Variants in RASEF observed in about 807,000 individuals in gnomAD.
RASEF encodes the protein RAS and EF-hand domain containing, also known as ras and EF-hand domain-containing protein.
A neutral mutation model predicts 90.1 loss-of-function variants in RASEF; 68 were observed. The observed-to-expected ratio is 0.75, with a 90% CI of 0.62 to 0.92. RASEF has a LOEUF of 0.92. Ranked by LOEUF, RASEF falls within the 40% of genes least tolerant of loss-of-function variation. The probability of loss-of-function intolerance (pLI) is 0.00; values close to 1 mark genes in which losing one functional copy is unlikely to be tolerated. For missense variants in RASEF, 949 were observed against 937.2 expected (o/e 1.01, Z -0.16); for synonymous variants, 331 against 345.2 (o/e 0.96, Z 0.46).
At chr9:83,004,368 T>A in intron 9 of RASEF, 130 bp downstream of exon 9, 1 of 577,906 alleles carries the variant, frequency 1.7e-6, no homozygotes, top group South Asian at 2.6e-5. Flanking sequence ...TTCAGAACTT[T>A]TAACATCATA....
the RASEF span, among the ~76,000 whole-genome samples, chr9:83,188,241 C>A: frequency 6.6e-6 from 1 of 152,212 alleles, no homozygotes; most frequent in East Asian, 1.9e-4. Flanking sequence ...GAATAAATAG[C>A]AAGATTGTAT....
At chr9:83,103,359 G>A in the RASEF span, among the ~76,000 whole-genome samples, 1 of 152,152 alleles carries the variant, frequency 6.6e-6, no homozygotes, top group African/African-American at 2.4e-5. Context: ...AAAGGAGTAG[G>A]TGTTAGTATT....
intron 1 of RASEF, among the ~76,000 whole-genome samples, chr9:83,049,048 C>T (rs1274837327): frequency 1.3e-5 from 2 of 150,424 alleles, no homozygotes; most frequent in Non-Finnish European, 3.0e-5. Flanking sequence ...TGCTTGAACC[C>T]GGGAGGCAAA....
At chr9:83,155,315 G>A in the RASEF span, among the ~76,000 whole-genome samples, 1 of 152,158 alleles carries the variant, frequency 6.6e-6, no homozygotes, top group Non-Finnish European at 1.5e-5. Flanking sequence ...ACATACCCAA[G>A]ACTGGGTAAT....
At chr9:83,198,089 C>T in the RASEF span, among the ~76,000 whole-genome samples, 90,477 of 152,038 alleles carry the variant, frequency 0.6, 27,245 homozygotes, top group East Asian at 0.78. Context: ...AAATAACTTA[C>T]TGGATGATTT....
rs138498591 is a variant in RASEF, at chr9:82,997,059, A to T, written c.1873T>A (p.Cys625Ser). 1 of 1,613,204 alleles carries T rather than the reference A, an allele frequency of 6.2e-7. No homozygotes were observed. Among genetic ancestry groups the T allele is most frequent in the African/African-American group, 1.3e-5 (1 of 74,916 alleles). Residue 625 changes from cysteine (C) to serine (S), a missense_variant, in exon 14 of 17, where the codon TGT becomes AGT. Coordinates refer to ENST00000376447, the MANE Select transcript of RASEF (RefSeq NM_152573.4). ...DGVLLLYDVT[C>S]EKSFLNIREW... ...CGTATGTTAAGAAAGCTTTTCTCAC[A>T]TGTAACATCATACAGCAGCAAAACA...
chr9:83,075,406 G>C, the RASEF span, among the ~76,000 whole-genome samples: 2 of 151,908 alleles, frequency 1.3e-5, no homozygotes, highest in African/African-American at 2.4e-5. Context: ...AAGTAGACAG[G>C]GTTTATACAT....
Position 83,049,552 on chromosome 9 carries a change from T to A in RASEF, c.431+12885A>T, listed in dbSNP as rs1028577223. ...TCCTTTTTTTTTTTTTTTTTTTTTTTATTATACTCTAAGTTTTAGGGTACA... is the reference window on the plus strand; with the variant it reads ...TCCTTTTTTTTTTTTTTTTTTTTTTAATTATACTCTAAGTTTTAGGGTACA... On this transcript the variant is annotated intron_variant, in intron 1 of 16. Transcript: ENST00000376447. 1.3e-3 allele frequency among the ~76,000 whole-genome samples: 180 copies of A among 139,600 alleles called. 1 individual carries two copies. Among genetic ancestry groups the A allele is most frequent in the Non-Finnish European group, 2.1e-3 (140 of 65,290 alleles). The allele number at this position is 139,600 out of a possible 152,430, so 91.6% of individuals were successfully genotyped here.
chr9:83,204,033 T>G, the RASEF span, among the ~76,000 whole-genome samples: 560 of 152,224 alleles, frequency 3.7e-3, 2 homozygotes, highest in African/African-American at 0.013. Flanking sequence ...ATCTGATTGC[T>G]TAAGGGGGAC....
chr9:83,025,652 T>A (rs2118574800), intron 2 of RASEF, 123 bp downstream of exon 2: 1 of 922,992 alleles, frequency 1.1e-6, no homozygotes, highest in African/African-American at 1.7e-5. Context: ...AGCTCTAGAC[T>A]CCTCAGGCTC....
chr9:83,200,722 C>A, the RASEF span, among the ~76,000 whole-genome samples: 1 of 152,158 alleles, frequency 6.6e-6, no homozygotes, highest in Non-Finnish European at 1.5e-5. Context: ...TCCCCAGGTT[C>A]TAAAGCAATG....
the RASEF span, among the ~76,000 whole-genome samples, chr9:83,140,698 T>C: frequency 6.6e-6 from 1 of 152,120 alleles, no homozygotes; most frequent in East Asian, 1.9e-4. Flanking sequence ...AAAGAAATTA[T>C]TGCTTTAAAG....
the RASEF span, among the ~76,000 whole-genome samples, chr9:83,124,338 G>C: frequency 6.6e-6 from 1 of 152,218 alleles, no homozygotes; most frequent in Non-Finnish European, 1.5e-5. Context: ...TGGATCATAT[G>C]GTAATTCTGT....
intron 2 of RASEF, among the ~76,000 whole-genome samples, chr9:83,025,438 C>T (rs1030399508): frequency 1.1e-4 from 17 of 152,306 alleles, no homozygotes; most frequent in African/African-American, 4.1e-4. Flanking sequence ...ATGTAGGTAA[C>T]AAGGCCAGGC....
At chr9:83,153,122 G>T in the RASEF span, among the ~76,000 whole-genome samples, 1 of 152,078 alleles carries the variant, frequency 6.6e-6, no homozygotes, top group Non-Finnish European at 1.5e-5. Context: ...TTTCAACTCA[G>T]CCATAATGAT....
At chr9:83,215,940 G>T in the RASEF span, among the ~76,000 whole-genome samples, 9 of 152,182 alleles carry the variant, frequency 5.9e-5, no homozygotes, top group Non-Finnish European at 2.9e-5. Context: ...CGTGGTCTCA[G>T]ATACAGATAA....
chr9:83,044,905 G>C (rs1280233948), intron 1 of RASEF, among the ~76,000 whole-genome samples: 1 of 152,124 alleles, frequency 6.6e-6, no homozygotes, highest in Non-Finnish European at 1.5e-5. Context: ...ATTCAGTAAA[G>C]ACCTTAACAG....
At chr9:83,205,526 C>T in the RASEF span, among the ~76,000 whole-genome samples, 1 of 152,102 alleles carries the variant, frequency 6.6e-6, no homozygotes, top group Non-Finnish European at 1.5e-5. Flanking sequence ...CCTAGCCATC[C>T]TTCAAACACC....
At chr9:83,089,049 C>T in the RASEF span, among the ~76,000 whole-genome samples, 1 of 152,070 alleles carries the variant, frequency 6.6e-6, no homozygotes, top group East Asian at 1.9e-4. Flanking sequence ...ATTTTAATCC[C>T]TTGTAATTTA....
Sources: allele counts gnomAD v4.1 joint callset (sites outside exome capture counted in the v4.1 genomes callset), GRCh38; gene constraint gnomAD v4.1.1; transcripts MANE v1.5; gene names NCBI Gene and HGNC (gene_info 2026-07-23, HGNC 2026-07-21).